GPN1: variants seen among roughly 807,000 people sequenced by gnomAD.
GPN1 encodes the protein GPN-loop GTPase 1, also known as ATP(GTP)-binding protein.
A neutral mutation model predicts 55.9 loss-of-function variants in GPN1; 44 were observed. The ratio of observed to expected loss-of-function variants is 0.79; its 90% CI spans 0.62 to 1.01. The LOEUF (loss-of-function observed/expected upper bound fraction) is 1.01, where lower values mean the gene tolerates loss of function less well. GPN1 is among the 50% of genes least tolerant of loss of function. The pLI, the probability that GPN1 is intolerant of heterozygous loss-of-function variation, is 0.00. For synonymous variants in GPN1, 179 were observed against 162.5 expected (o/e 1.10, Z -0.77); for missense variants, 466 against 462.8 (o/e 1.01, Z -0.06).
Position 27,638,897 on chromosome 2 carries a change from G to T in GPN1, c.583G>T (p.Asp195Tyr), listed in dbSNP as rs1473434978. ...CTCTCTGGTACAGACTGACATCATT[G>T]ACCACAGCTTTGCAGTGGAATGGAT... ...IVVMNKTDII[D>Y]HSFAVEWMQD... The change falls in exon 9 of 14, where the codon GAC becomes TAC. Residue 195 changes from aspartate (D) to tyrosine (Y), a missense_variant. Transcript: ENST00000610189. 1.2e-6 allele frequency: 2 copies of T among 1,613,118 alleles called. No homozygotes were observed. The highest frequency in any genetic ancestry group is 1.7e-5 in the Admixed American group (1 of 59,834).
intron 4 of GPN1, among the ~76,000 whole-genome samples, 160 bp from the exon 5 acceptor site, chr2:27,632,473 C>T (rs1019013847): frequency 1.3e-5 from 2 of 152,256 alleles, no homozygotes; most frequent in Middle Eastern, 3.4e-3. Flanking sequence ...TGCTTTAGTT[C>T]AGCCTGTTTA....
At chr2:27,642,734 T>C (rs866065390) in intron 12 of GPN1, among the ~76,000 whole-genome samples, 2 of 151,900 alleles carry the variant, frequency 1.3e-5, no homozygotes, top group Admixed American at 6.6e-5. Flanking sequence ...CCGGCTAATT[T>C]TGTATTTTTA....
At chr2:27,631,327 A>G (rs1673544426) in intron 3 of GPN1, 3 of 513,310 alleles carry the variant, frequency 5.8e-6, no homozygotes, top group Non-Finnish European at 1.0e-5. Flanking sequence ...TGGGTCCCAC[A>G]AGGTAGTATT....
intron 8 of GPN1, 151 bp downstream of exon 8, chr2:27,638,406 C>A: frequency 1.7e-5 from 10 of 589,990 alleles, no homozygotes; most frequent in Non-Finnish European, 2.7e-5. Context: ...GAAAATGAAT[C>A]AATCAAATTG....
intron 7 of GPN1, among the ~76,000 whole-genome samples, chr2:27,637,056 G>T (rs1377935822): frequency 6.6e-6 from 1 of 151,928 alleles, no homozygotes; most frequent in African/African-American, 2.4e-5. Flanking sequence ...CCCCTGCAGA[G>T]ACCAGCCGGG....
In GPN1 at chr2:27,651,405, C is replaced by G. The variant is rs1361040351; in HGVS notation, c.*1205C>G. The G allele has an allele frequency of 6.6e-6, 1 of 152,368 alleles. No individual in the cohort carries two copies. Among genetic ancestry groups the G allele is most frequent in the Non-Finnish European group, 1.5e-5 (1 of 68,042 alleles). 9.4% of individuals were successfully genotyped at this position (152,368 alleles called of 1,614,324 possible). A position where few individuals can be genotyped will look rare whatever the true frequency, so the allele number is the denominator to read the frequency against. ...TCCAGACCAGGTGAATCTCAAGATA[C>G]TAATCCTCACATCATTTGCCTTCTC... On this transcript the variant is annotated 3_prime_UTR_variant, in exon 14 of 14. Transcript: ENST00000610189.
chr2:27,628,685 T>C, upstream of GPN1: 1 of 1,551,488 alleles, frequency 6.4e-7, no homozygotes, highest in Non-Finnish European at 8.7e-7. Flanking sequence ...GTGGCTCCGC[T>C]CCCCGTTCTC....
chr2:27,629,836 A>C (rs370932847), intron 1 of GPN1, 23 bp from the exon 2 acceptor site: 2 of 1,358,704 alleles, frequency 1.5e-6, no homozygotes, highest in South Asian at 2.3e-5. Flanking sequence ...TCTCCTTCCA[A>C]CCCTCTCCCC....
At position 27,635,155 on chromosome 2, in the gene GPN1, A is replaced by G. The variant is rs745626897; in HGVS notation, c.445A>G (p.Thr149Ala). ...GTGGCTTTAGGCATCCTCATTTCCA[A>G]CAGTTGTCATCTATGTAATGGACAC... ...ITEALASSFP[T>A]VVIYVMDTSR... Residue 149 changes from threonine to alanine, a missense_variant, in exon 7 of 14, where the codon ACA becomes GCA. By Grantham distance (58) the Thr-to-Ala change is moderately conservative. Transcript: ENST00000610189. 15 of 1,597,610 alleles carry G rather than the reference A, an allele frequency of 9.4e-6. No homozygotes were observed. The South Asian group carries it at 1.7e-4, about 18-fold the overall frequency.
At chr2:27,646,368 T>C (rs1001401184) in intron 12 of GPN1, among the ~76,000 whole-genome samples, 5 of 152,240 alleles carry the variant, frequency 3.3e-5, no homozygotes, top group African/African-American at 1.2e-4. Flanking sequence ...TCTAAGTATT[T>C]AACCTTCTTC....
At chr2:27,647,777 T>C (rs530048340) in intron 12 of GPN1, 59 bp from the exon 13 acceptor site, 374 of 948,434 alleles carry the variant, frequency 3.9e-4, no homozygotes, top group Non-Finnish European at 5.5e-4. Flanking sequence ...CATAGTTACT[T>C]AGTGATTCAA....
chr2:27,629,322 G>A (rs1673435095), intron 1 of GPN1, 153 bp downstream of exon 1: 2 of 1,493,264 alleles, frequency 1.3e-6, no homozygotes, highest in Admixed American at 2.0e-5. Context: ...CCCCGGCAAA[G>A]CCTCCTCGGG....
Position 27,635,241 on chromosome 2 carries a change from G to A in GPN1, c.524+7G>A. ...ACATGCTCTATGCCTGCAGGTAATT[G>A]ATTGTTGGTGGGGAAAGTGTTCCAT... is the stretch of plus-strand genomic sequence containing the variant. On this transcript the variant is annotated splice_region_variant and intron_variant, in intron 7 of 13. Coordinates refer to ENST00000610189, the MANE Select transcript of GPN1 (RefSeq NM_007266.4). 1.4e-6 allele frequency: 2 copies of A among 1,412,704 alleles called. No homozygotes were observed. Among genetic ancestry groups the A allele is most frequent in the Non-Finnish European group, 2.0e-6 (2 of 1,003,690 alleles). The allele number at this position is 1,412,704 out of a possible 1,614,324, so 87.5% of individuals were successfully genotyped here. A position where few individuals can be genotyped will look rare whatever the true frequency, so the allele number is the denominator to read the frequency against.
intron 12 of GPN1, among the ~76,000 whole-genome samples, chr2:27,647,008 G>T (rs1008568263): frequency 1.3e-5 from 2 of 152,216 alleles, no homozygotes; most frequent in Non-Finnish European, 2.9e-5. Flanking sequence ...TGAAGGTTGG[G>T]AGAGTTTAAG....
At chr2:27,637,771 A>G (rs1673787125) in intron 7 of GPN1, among the ~76,000 whole-genome samples, 2 of 152,240 alleles carry the variant, frequency 1.3e-5, no homozygotes, top group African/African-American at 4.8e-5. Flanking sequence ...TGACACTCAG[A>G]GGAAATGGTT....
chr2:27,647,710 A>C, intron 12 of GPN1, 126 bp from the exon 13 acceptor site: 1 of 621,546 alleles, frequency 1.6e-6, no homozygotes, highest in South Asian at 1.9e-5. Flanking sequence ...CATTTAGAAG[A>C]GGTAAGATCC....
At chr2:27,631,109 T>C (rs79898842) in intron 3 of GPN1, 43 bp downstream of exon 3, 1 of 1,022,622 alleles carries the variant, frequency 9.8e-7, no homozygotes, top group Admixed American at 1.8e-5. Context: ...ATTCCTGGCT[T>C]CTTGTCTGTG....
At chr2:27,639,175 G>C in intron 9 of GPN1, 144 bp downstream of exon 9, 1 of 658,904 alleles carries the variant, frequency 1.5e-6, no homozygotes, top group Non-Finnish European at 2.6e-6. Context: ...AAATTGTGGA[G>C]TGTACAAGAA....
Position 27,629,077 on chromosome 2 carries a change from G to C in GPN1, c.19G>C (p.Ala7Pro). ...GAGGAAGATGGCGGCGTCCGCAGCTGCCGCTGAGCTCCAGGCTTCTGGGGG... is the reference window on the plus strand; with the variant it reads ...GAGGAAGATGGCGGCGTCCGCAGCTCCCGCTGAGCTCCAGGCTTCTGGGGG... MAASAA[A>P]AELQASGGPR... Residue 7 changes from alanine (A) to proline (P), a missense_variant, in exon 1 of 14, where the codon GCC (alanine) becomes CCC (proline). Ala to Pro is a conservative substitution (Grantham distance 27). Coordinates refer to ENST00000610189, the MANE Select transcript of GPN1 (RefSeq NM_007266.4). The C allele has an allele frequency of 6.2e-7, 1 of 1,614,238 alleles. No homozygotes were observed. The highest frequency in any genetic ancestry group is 1.3e-5 in the African/African-American group (1 of 75,064).
Sources: gnomAD v4.1 joint callset for allele counts (sites outside exome capture counted in the v4.1 genomes callset) on GRCh38, gnomAD v4.1.1 for gene constraint, MANE v1.5 for transcripts, NCBI Gene and HGNC (gene_info 2026-07-23, HGNC 2026-07-21) for gene names.